EXOC6B: variants seen among roughly 807,000 people sequenced by gnomAD.
EXOC6B encodes the protein exocyst complex component 6B, also known as SEC15 homolog B.
In EXOC6B, 54 loss-of-function variants were observed where a neutral mutation model predicts 113.5. The observed-to-expected ratio is 0.48, with a 90% CI of 0.38 to 0.60. The LOEUF is 0.60. EXOC6B is among the 20% of genes least tolerant of loss of function. The probability of loss-of-function intolerance (pLI) is 0.00; values close to 1 mark genes in which losing one functional copy is unlikely to be tolerated. For synonymous variants in EXOC6B, 357 were observed against 339.0 expected, an observed-to-expected ratio of 1.05 and a Z score of -0.58; for missense variants, 797 against 977.5, an observed-to-expected ratio of 0.82 and a Z score of 2.46.
At chr2:72,336,588 A>AT (rs1431206131) in intron 19 of EXOC6B, among the ~76,000 whole-genome samples, 5 of 152,216 alleles carry the variant, frequency 3.3e-5, no homozygotes, top group African/African-American at 1.2e-4. Flanking sequence ...TTTCATTTTA[A>AT]TGAGATAAAT....
At chr2:72,313,185 GAGAGGA>G (rs1558547642) in intron 20 of EXOC6B, among the ~76,000 whole-genome samples, 7 of 151,918 alleles carry the variant, frequency 4.6e-5, no homozygotes, top group African/African-American at 1.2e-4. Flanking sequence ...GAACAACACA[GAGAGGA>G]ACAACACAGA....
chr2:72,628,873 A>C (rs1037816049), intron 6 of EXOC6B, among the ~76,000 whole-genome samples: 2 of 152,204 alleles, frequency 1.3e-5, no homozygotes, highest in African/African-American at 4.8e-5. Context: ...TATAAAGTAC[A>C]TATATATACT....
intron 20 of EXOC6B, among the ~76,000 whole-genome samples, chr2:72,233,733 C>T (rs1011495464): frequency 4.6e-5 from 7 of 152,300 alleles, no homozygotes; most frequent in Non-Finnish European, 1.0e-4. Context: ...TCACTAAATG[C>T]GGCTTCACTC....
At chr2:72,396,716 C>T (rs1692749904) in intron 18 of EXOC6B, among the ~76,000 whole-genome samples, 1 of 151,842 alleles carries the variant, frequency 6.6e-6, no homozygotes, top group Non-Finnish European at 1.5e-5. Context: ...TCCCTTATTC[C>T]TAGTGACTCC....
chr2:72,204,479 A>G (rs774955818), intron 20 of EXOC6B, among the ~76,000 whole-genome samples: 6 of 152,122 alleles, frequency 3.9e-5, no homozygotes, highest in Admixed American at 1.3e-4. Context: ...TAGCGTGAGC[A>G]CAACATATGC....
At chr2:72,283,406 G>A (rs1685247028) in intron 20 of EXOC6B, among the ~76,000 whole-genome samples, 1 of 152,082 alleles carries the variant, frequency 6.6e-6, no homozygotes, top group Non-Finnish European at 1.5e-5. Flanking sequence ...CAAATTGGAA[G>A]GACAGATAGA....
intron 6 of EXOC6B, among the ~76,000 whole-genome samples, chr2:72,681,986 TA>T (rs1311369570): frequency 1.5e-5 from 2 of 136,050 alleles, no homozygotes; most frequent in East Asian, 4.3e-4. Flanking sequence ...AAGTTATTTC[TA>T]ACCAGAATCT....
Position 72,760,939 on chromosome 2 carries a change from G to A in EXOC6B, c.114-19470C>T, listed in dbSNP as rs1042904600. Among the ~76,000 whole-genome samples the A allele has an allele frequency of 5.9e-5, 9 of 152,194 alleles. No individual in the cohort carries two copies. In the East Asian group the frequency reaches 1.2e-3, roughly 20 times the overall value. On this transcript the variant is annotated intron_variant, in intron 1 of 21. Coordinates refer to ENST00000272427, the MANE Select transcript of EXOC6B (RefSeq NM_015189.3). The stretch of plus-strand genomic sequence containing the variant: ...TCATGCCTGTAATCCCAACACTTTC[G>A]GAGGCTGAGACAGGTGAATCACCTG...
chr2:72,299,848 G>T (rs1304915113), intron 20 of EXOC6B, among the ~76,000 whole-genome samples: 1 of 152,190 alleles, frequency 6.6e-6, no homozygotes, highest in African/African-American at 2.4e-5. Context: ...GACCCTGTTT[G>T]CCTGGGTATC....
chr2:72,234,258 G>T (rs1005975915), intron 20 of EXOC6B, among the ~76,000 whole-genome samples: 1 of 151,872 alleles, frequency 6.6e-6, no homozygotes, highest in African/African-American at 2.4e-5. Flanking sequence ...CTAATTTTTT[G>T]TATTTTTAGT....
At chr2:72,292,685 A>C (rs2104719420) in intron 20 of EXOC6B, among the ~76,000 whole-genome samples, 1 of 152,204 alleles carries the variant, frequency 6.6e-6, no homozygotes, top group South Asian at 2.1e-4. Flanking sequence ...ACTAGTCACA[A>C]CTTCTTCCTT....
intron 1 of EXOC6B, among the ~76,000 whole-genome samples, chr2:72,823,461 A>AAAAAG (rs1686697199): frequency 8.2e-6 from 1 of 121,434 alleles, no homozygotes; most frequent in African/African-American, 4.0e-5. Flanking sequence ...AGTTTTAAGA[A>AAAAAG]AAAAAAAAAA....
intron 20 of EXOC6B, among the ~76,000 whole-genome samples, chr2:72,241,247 G>A (rs1231741197): frequency 8.5e-5 from 13 of 152,130 alleles, no homozygotes; most frequent in African/African-American, 2.7e-4. Flanking sequence ...TGCCTTTGAT[G>A]GGGTCCTCAA....
Position 72,689,275 on chromosome 2 carries a change from C to T in EXOC6B, c.669+28828G>A, listed in dbSNP as rs111262566. On this transcript the variant is annotated intron_variant, in intron 6 of 21. Coordinates refer to ENST00000272427, the MANE Select transcript of EXOC6B (RefSeq NM_015189.3). ...CTCCTAGGCCCATTAACCAGAGCAT[C>T]CTTTTAGGTTACTCTAACAGTATTA... Among the ~76,000 whole-genome samples, 8 of 152,248 alleles carry T rather than the reference C, an allele frequency of 5.3e-5. 1 individual carries two copies. Among genetic ancestry groups the T allele is most frequent in the African/African-American group, 1.9e-4 (8 of 41,544 alleles).
At chr2:72,475,926 C>G (rs978466848) in intron 17 of EXOC6B, among the ~76,000 whole-genome samples, 2 of 152,184 alleles carry the variant, frequency 1.3e-5, no homozygotes, top group African/African-American at 2.4e-5. Flanking sequence ...GGCCCCTGGT[C>G]ACTGGCACCT....
At chr2:72,291,058 T>C (rs977051256) in intron 20 of EXOC6B, among the ~76,000 whole-genome samples, 1 of 152,174 alleles carries the variant, frequency 6.6e-6, no homozygotes, top group Non-Finnish European at 1.5e-5. Context: ...ACAATTACTG[T>C]AAATTCCATA....
At chr2:72,742,902 A>G (rs1420085001) in intron 1 of EXOC6B, among the ~76,000 whole-genome samples, 1 of 152,154 alleles carries the variant, frequency 6.6e-6, no homozygotes, top group Non-Finnish European at 1.5e-5. Flanking sequence ...TTTAATTCCA[A>G]TTGGGTTTTT....
chr2:72,797,170 T>C (rs1179263456), intron 1 of EXOC6B, among the ~76,000 whole-genome samples: 1 of 152,220 alleles, frequency 6.6e-6, no homozygotes, highest in Non-Finnish European at 1.5e-5. Context: ...GATTCATCTC[T>C]TCCCACACTA....
intron 1 of EXOC6B, among the ~76,000 whole-genome samples, chr2:72,798,074 T>C (rs1685070732): frequency 6.6e-6 from 1 of 152,164 alleles, no homozygotes; most frequent in Non-Finnish European, 1.5e-5. Context: ...CAATAAACTC[T>C]GCTCTCTTAA....
Sources: allele counts gnomAD v4.1 joint callset (sites outside exome capture counted in the v4.1 genomes callset), GRCh38; gene constraint gnomAD v4.1.1; transcripts MANE v1.5; gene names NCBI Gene and HGNC (gene_info 2026-07-23, HGNC 2026-07-21).